The following STXBP6 variants were observed in gnomAD, a reference collection of about 807,000 sequenced individuals.
The protein encoded by STXBP6 is syntaxin-binding protein 6.
A neutral mutation model predicts 26.9 loss-of-function variants in STXBP6; 21 were observed. The observed-to-expected ratio is 0.78, with a 90% CI of 0.55 to 1.12. The LOEUF is 1.12. STXBP6 is among the 50% of genes most tolerant of loss of function. STXBP6 has a pLI of 0.00. For synonymous variants in STXBP6, 97 were observed against 92.6 expected (o/e 1.05, Z -0.27); for missense variants, 232 against 257.9 (o/e 0.90, Z 0.69).
intron 4 of STXBP6, among the ~76,000 whole-genome samples, chr14:24,832,734 AC>A (rs1457993364): frequency 1.3e-5 from 2 of 152,200 alleles, no homozygotes; most frequent in Admixed American, 6.5e-5. Context: ...ATAATTTTAA[AC>A]AAAAACATTT....
At chr14:24,956,886 C>A (rs2073362205) in intron 2 of STXBP6, among the ~76,000 whole-genome samples, 1 of 152,108 alleles carries the variant, frequency 6.6e-6, no homozygotes. Flanking sequence ...GGTTGTGCAT[C>A]CCTCTGTGTT....
At chr14:24,882,549 C>A (rs148173729) in intron 2 of STXBP6, among the ~76,000 whole-genome samples, 7 of 152,028 alleles carry the variant, frequency 4.6e-5, no homozygotes, top group African/African-American at 1.7e-4. Context: ...AGCTGCCTTA[C>A]GTGTTTCTAG....
At chr14:25,047,800 G>T (rs375948899) in intron 1 of STXBP6, among the ~76,000 whole-genome samples, 1 of 152,182 alleles carries the variant, frequency 6.6e-6, no homozygotes, top group Non-Finnish European at 1.5e-5. Flanking sequence ...TTCATAGACT[G>T]ATTTCACAGA....
At chr14:24,903,732 A>G (rs1294786743) in intron 2 of STXBP6, among the ~76,000 whole-genome samples, 2 of 152,214 alleles carry the variant, frequency 1.3e-5, no homozygotes, top group African/African-American at 4.8e-5. Context: ...ATATGAACTT[A>G]AAAACCCAGT....
intron 2 of STXBP6, among the ~76,000 whole-genome samples, chr14:24,964,126 C>CA (rs1459978417): frequency 6.6e-6 from 1 of 152,106 alleles, no homozygotes; most frequent in African/African-American, 2.4e-5. Flanking sequence ...CAATTCCCCC[C>CA]ACCCAGACAC....
intron 4 of STXBP6, among the ~76,000 whole-genome samples, chr14:24,849,411 C>G (rs757003224): frequency 6.6e-6 from 1 of 152,014 alleles, no homozygotes; most frequent in Non-Finnish European, 1.5e-5. Context: ...GGTGTCATCC[C>G]CCCTTTTGCT....
intron 2 of STXBP6, among the ~76,000 whole-genome samples, chr14:24,958,956 C>T (rs1237013849): frequency 6.6e-6 from 1 of 152,118 alleles, no homozygotes; most frequent in Admixed American, 6.6e-5. Context: ...GAAATAAGTG[C>T]TCTAGAACAA....
intron 2 of STXBP6, among the ~76,000 whole-genome samples, chr14:24,865,856 G>A (rs1216912061): frequency 6.6e-6 from 1 of 152,124 alleles, no homozygotes; most frequent in African/African-American, 2.4e-5. Flanking sequence ...TGGGAGAAAT[G>A]AAAGTGAACT....
intron 2 of STXBP6, among the ~76,000 whole-genome samples, chr14:24,958,657 T>C (rs571803063): frequency 6.6e-6 from 1 of 152,324 alleles, no homozygotes; most frequent in African/African-American, 2.4e-5. Context: ...AGAAGACATT[T>C]ATAATCCTAA....
At chr14:24,835,997 G>C (rs1395914854) in intron 4 of STXBP6, among the ~76,000 whole-genome samples, 1 of 152,198 alleles carries the variant, frequency 6.6e-6, no homozygotes, top group Non-Finnish European at 1.5e-5. Flanking sequence ...TGACTATTAG[G>C]GGGACCAGAA....
At chr14:24,844,276 C>A (rs1050353961) in intron 4 of STXBP6, among the ~76,000 whole-genome samples, 3 of 152,190 alleles carry the variant, frequency 2.0e-5, no homozygotes, top group Non-Finnish European at 4.4e-5. Context: ...CATTTACATT[C>A]TTTATAATAT....
At chr14:25,006,372 A>G (rs1312887235) in intron 1 of STXBP6, among the ~76,000 whole-genome samples, 1 of 152,144 alleles carries the variant, frequency 6.6e-6, no homozygotes, top group African/African-American at 2.4e-5. Flanking sequence ...TCCCCCTTCC[A>G]AGCTTTCTCT....
intron 2 of STXBP6, among the ~76,000 whole-genome samples, chr14:24,860,517 T>C (rs1479375656): frequency 1.3e-5 from 2 of 152,272 alleles, no homozygotes; most frequent in East Asian, 1.9e-4. Context: ...ACCTACACTC[T>C]CATTATTCAC....
chr14:25,011,309 G>T (rs970248920), intron 1 of STXBP6, among the ~76,000 whole-genome samples: 3 of 152,152 alleles, frequency 2.0e-5, no homozygotes, highest in African/African-American at 7.2e-5. Context: ...TTTCCAGATG[G>T]CACCTGAGGC....
chr14:24,936,452 T>C (rs1260939415), intron 2 of STXBP6, among the ~76,000 whole-genome samples: 1 of 152,190 alleles, frequency 6.6e-6, no homozygotes, highest in Non-Finnish European at 1.5e-5. Context: ...AGGAAGAATG[T>C]GAAGAAAGAA....
intron 2 of STXBP6, among the ~76,000 whole-genome samples, chr14:24,949,566 C>T (rs2073097749): frequency 6.6e-6 from 1 of 152,114 alleles, no homozygotes; most frequent in South Asian, 2.1e-4. Flanking sequence ...TAGTTATAAA[C>T]AGATAATTTA....
intron 1 of STXBP6, among the ~76,000 whole-genome samples, chr14:25,022,079 T>C (rs2075272541): frequency 6.6e-6 from 1 of 152,232 alleles, no homozygotes; most frequent in Admixed American, 6.5e-5. Flanking sequence ...TTGGCAACTG[T>C]GTCAATTAAA....
intron 2 of STXBP6, among the ~76,000 whole-genome samples, chr14:24,909,717 A>C (rs1432745930): frequency 3.3e-5 from 5 of 151,664 alleles, no homozygotes; most frequent in Admixed American, 2.6e-4. Context: ...TACTTACCAG[A>C]TATGAGAATT....
chr14:24,825,734 C>T (rs1435355251), intron 4 of STXBP6, among the ~76,000 whole-genome samples: 6 of 152,180 alleles, frequency 3.9e-5, no homozygotes, highest in Non-Finnish European at 8.8e-5. Flanking sequence ...TGAGTTCATA[C>T]TCTCCTCTCA....
Sources: gnomAD v4.1 joint callset for allele counts (sites outside exome capture counted in the v4.1 genomes callset) on GRCh38, gnomAD v4.1.1 for gene constraint, MANE v1.5 for transcripts, NCBI Gene and HGNC (gene_info 2026-07-23, HGNC 2026-07-21) for gene names.